TRMT9B: variants seen among roughly 807,000 people sequenced by gnomAD.
TRMT9B encodes the protein tRNA methyltransferase 9B (putative), also known as probable tRNA methyltransferase 9B.
In TRMT9B, 16 loss-of-function variants were observed where a neutral mutation model predicts 11.5. That is an observed-to-expected ratio of 1.39 (90% CI 0.94 to 2.11). The LOEUF (loss-of-function observed/expected upper bound fraction) is 2.11, where lower values mean the gene tolerates loss of function less well. Among genes scored for constraint, TRMT9B ranks in the 30% most tolerant of loss-of-function variants. The probability of loss-of-function intolerance (pLI) is 0.00; values close to 1 mark genes in which losing one functional copy is unlikely to be tolerated. For synonymous variants in TRMT9B, 274 were observed against 192.4 expected (o/e 1.42, Z -3.51); for missense variants, 941 against 553.8 (o/e 1.70, Z -7.02).
chr8:12,988,026 G>T (rs1246927266), intron 1 of TRMT9B, among the ~76,000 whole-genome samples: 1 of 152,278 alleles, frequency 6.6e-6, no homozygotes, highest in African/African-American at 2.4e-5. Flanking sequence ...ATAAGTCTGG[G>T]ACCATCTGTA....
In TRMT9B at chr8:12,982,661, C is replaced by T. The variant is rs867716132; in HGVS notation, c.-199-8173C>T. 2.2e-5 allele frequency among the ~76,000 whole-genome samples: 3 copies of T among 135,486 alleles called. No individual in the cohort carries two copies. The East Asian group carries it at 6.5e-4, about 29-fold the overall frequency. The allele number at this position is 135,486 out of a possible 152,430, so 88.9% of individuals were successfully genotyped here. On this transcript the variant is annotated intron_variant, in intron 1 of 4. Coordinates refer to ENST00000524591, the MANE Select transcript of TRMT9B (RefSeq NM_020844.3). ...TGGGCAACAGAGAGAGACTCCATCT[C>T]AAAAAAAAAAAAATCATAATCAGAG...
At chr8:12,955,615 A>G (rs1026618138) in intron 1 of TRMT9B, among the ~76,000 whole-genome samples, 3 of 152,162 alleles carry the variant, frequency 2.0e-5, no homozygotes, top group Non-Finnish European at 4.4e-5. Flanking sequence ...AACCTTTGCC[A>G]CTTCCATGGT....
chr8:12,997,863 C>G (rs936158989), intron 2 of TRMT9B, among the ~76,000 whole-genome samples: 2 of 152,118 alleles, frequency 1.3e-5, no homozygotes, highest in African/African-American at 4.8e-5. Context: ...CACATTTCTT[C>G]CAGTGGTGTA....
At chr8:12,959,669 G>A (rs2946500) in intron 1 of TRMT9B, among the ~76,000 whole-genome samples, 6,918 of 151,466 alleles carry the variant, frequency 0.046, 223 homozygotes, top group African/African-American at 0.085. Flanking sequence ...ACAGGTTCAC[G>A]CCACTACACC....
chr8:13,002,832 C>T (rs1809705984), intron 2 of TRMT9B, among the ~76,000 whole-genome samples: 1 of 152,104 alleles, frequency 6.6e-6, no homozygotes, highest in Middle Eastern at 3.2e-3. Context: ...TTCCCACTTC[C>T]CAGGATAGGG....
At chr8:12,998,553 C>G (rs1425389536) in intron 2 of TRMT9B, among the ~76,000 whole-genome samples, 1 of 152,224 alleles carries the variant, frequency 6.6e-6, no homozygotes, top group African/African-American at 2.4e-5. Context: ...GGGCTAAGTG[C>G]TTACAGCCTA....
At chr8:12,963,158 G>A (rs772710502) in intron 1 of TRMT9B, among the ~76,000 whole-genome samples, 1 of 152,166 alleles carries the variant, frequency 6.6e-6, no homozygotes, top group African/African-American at 2.4e-5. Flanking sequence ...TGGCAGCTGG[G>A]CATGGTGGCT....
rs1814494503 is a variant in TRMT9B at position 13,024,804 on chromosome 8, C to T, written c.*2760C>T. 1 of 166,924 alleles carries T rather than the reference C, an allele frequency of 6.0e-6. No homozygotes were observed. Among genetic ancestry groups the T allele is most frequent in the African/African-American group, 2.4e-5 (1 of 41,434 alleles). 10.3% of individuals were successfully genotyped at this position (166,924 alleles called of 1,614,324 possible). ...TAATGAACATAAGAATCTATGCATC[C>T]AGATATTATTTTGTATACAAATATT... On this transcript the variant is annotated 3_prime_UTR_variant, in exon 5 of 5. Transcript: ENST00000524591.
chr8:12,995,778 C>G (rs1410582630), intron 2 of TRMT9B, among the ~76,000 whole-genome samples: 1 of 152,218 alleles, frequency 6.6e-6, no homozygotes, highest in Non-Finnish European at 1.5e-5. Flanking sequence ...TCATTGTTGT[C>G]TTAGGTTCTA....
intron 3 of TRMT9B, among the ~76,000 whole-genome samples, chr8:13,008,920 G>C (rs763561931): frequency 1.3e-5 from 2 of 152,108 alleles, no homozygotes; most frequent in African/African-American, 4.8e-5. Flanking sequence ...AGTAGAGACG[G>C]AGTTTCACCG....
intron 1 of TRMT9B, among the ~76,000 whole-genome samples, chr8:12,956,716 G>T (rs534229406): frequency 2.6e-5 from 4 of 152,080 alleles, no homozygotes; most frequent in Non-Finnish European, 5.9e-5. Context: ...TCTCTCCCCT[G>T]TAACTTTCAG....
chr8:12,999,971 A>T (rs1019933036), intron 2 of TRMT9B, among the ~76,000 whole-genome samples: 7 of 152,228 alleles, frequency 4.6e-5, no homozygotes, highest in African/African-American at 1.7e-4. Context: ...ACAAGTTGTC[A>T]TCTAATAAAA....
chr8:12,987,220 AT>A (rs1806468645), intron 1 of TRMT9B, among the ~76,000 whole-genome samples: 2 of 152,306 alleles, frequency 1.3e-5, no homozygotes, highest in South Asian at 4.1e-4. Context: ...CCTCCTTCTT[AT>A]CTGTAAAATG....
intron 1 of TRMT9B, among the ~76,000 whole-genome samples, chr8:12,966,692 A>G (rs1802869451): frequency 6.6e-6 from 1 of 152,176 alleles, no homozygotes; most frequent in Non-Finnish European, 1.5e-5. Context: ...GCAAGCATGA[A>G]TACCATCCAA....
At chr8:12,948,421 T>C (rs1198520152) in intron 1 of TRMT9B, among the ~76,000 whole-genome samples, 1 of 148,260 alleles carries the variant, frequency 6.7e-6, no homozygotes, top group Non-Finnish European at 1.5e-5. Flanking sequence ...ATAATATATA[T>C]AATATATTCT....
At chr8:13,001,635 T>A (rs1809475351) in intron 2 of TRMT9B, among the ~76,000 whole-genome samples, 1 of 152,106 alleles carries the variant, frequency 6.6e-6, no homozygotes, top group African/African-American at 2.4e-5. Flanking sequence ...AGACAAGAGG[T>A]GTTTAAAGAC....
intron 1 of TRMT9B, among the ~76,000 whole-genome samples, chr8:12,989,769 G>A (rs1807002460): frequency 6.6e-6 from 1 of 152,172 alleles, no homozygotes; most frequent in African/African-American, 2.4e-5. Context: ...TATAATTAAG[G>A]TAGGCTCTAA....
rs565381587 is a variant in TRMT9B, at chr8:12,964,989, A to G, written c.-200+19023A>G. Among the ~76,000 whole-genome samples, 43 of 152,058 alleles carry G rather than the reference A, an allele frequency of 2.8e-4. 1 individual carries two copies. Among genetic ancestry groups the G allele is most frequent in the African/African-American group, 8.2e-4 (34 of 41,300 alleles). On this transcript the variant is annotated intron_variant, in intron 1 of 4. Coordinates refer to ENST00000524591, the MANE Select transcript of TRMT9B (RefSeq NM_020844.3). Reference sequence around the variant, plus strand: ...AAACCGAAAAAATTAAACTTTCCAAAATAGTCTGGTTTATTCTGGTCACAG... The same window carrying G: ...AAACCGAAAAAATTAAACTTTCCAAGATAGTCTGGTTTATTCTGGTCACAG...
chr8:12,979,540 T>C (rs893130279), intron 1 of TRMT9B, among the ~76,000 whole-genome samples: 18 of 152,206 alleles, frequency 1.2e-4, no homozygotes, highest in African/African-American at 4.3e-4. Context: ...TTCAAATGCC[T>C]TCCTGCCTTC....
Sources: gnomAD v4.1 joint callset for allele counts (sites outside exome capture counted in the v4.1 genomes callset) on GRCh38, gnomAD v4.1.1 for gene constraint, MANE v1.5 for transcripts, NCBI Gene and HGNC (gene_info 2026-07-23, HGNC 2026-07-21) for gene names.